PKIB: variants seen among roughly 807,000 people sequenced by gnomAD.
The protein encoded by PKIB is cAMP-dependent protein kinase inhibitor beta.
In PKIB, 2 loss-of-function variants were observed where a neutral mutation model predicts 4.5. The observed-to-expected ratio is 0.44, with a 90% CI of 0.18 to 1.39. The LOEUF is 1.39. PKIB is among the 40% of genes most tolerant of loss of function. The pLI is 0.27. For missense variants in PKIB, 94 were observed against 92.6 expected (o/e 1.02, Z -0.06); for synonymous variants, 38 against 36.0 (o/e 1.06, Z -0.20).
At chr6:122,658,364 T>G (rs1439230613) in intron 2 of PKIB, among the ~76,000 whole-genome samples, 1 of 152,158 alleles carries the variant, frequency 6.6e-6, no homozygotes, top group Admixed American at 6.5e-5. Context: ...ATAAAAGTAA[T>G]GATACAATTA....
chr6:122,493,476 G>A (rs1357269129), intron 2 of PKIB: 1 of 152,170 alleles, frequency 6.6e-6, no homozygotes, highest in Non-Finnish European at 1.5e-5. Flanking sequence ...CATATATGAT[G>A]TATTGAAATC....
intron 3 of PKIB, among the ~76,000 whole-genome samples, chr6:122,603,648 T>A (rs1774442375): frequency 6.6e-6 from 1 of 152,082 alleles, no homozygotes; most frequent in African/African-American, 2.4e-5. Context: ...GCCCGGCTAA[T>A]TTATGGATTT....
chr6:122,494,558 T>C (rs1776025452), intron 2 of PKIB, among the ~76,000 whole-genome samples: 1 of 152,208 alleles, frequency 6.6e-6, no homozygotes, highest in Admixed American at 6.5e-5. Flanking sequence ...TTTACTAATT[T>C]TGTGGTTCCA....
At chr6:122,487,029 T>C (rs1427438191) in intron 2 of PKIB, among the ~76,000 whole-genome samples, 2 of 152,172 alleles carry the variant, frequency 1.3e-5, no homozygotes, top group African/African-American at 4.8e-5. Flanking sequence ...AATATTTATT[T>C]CTTCAAATGT....
At chr6:122,531,921 T>C (rs1374473188) in intron 2 of PKIB, among the ~76,000 whole-genome samples, 1 of 152,234 alleles carries the variant, frequency 6.6e-6, no homozygotes, top group Non-Finnish European at 1.5e-5. Context: ...AAATCCTGGC[T>C]GTTCCACTTG....
At chr6:122,486,532 C>A (rs1014783463) in intron 2 of PKIB, among the ~76,000 whole-genome samples, 2 of 151,106 alleles carry the variant, frequency 1.3e-5, no homozygotes, top group Non-Finnish European at 3.0e-5. Flanking sequence ...TATCTAACTT[C>A]CATTATGTTC....
At chr6:122,475,605 G>A (rs896500878) in intron 1 of PKIB, among the ~76,000 whole-genome samples, 4 of 152,218 alleles carry the variant, frequency 2.6e-5, no homozygotes, top group Admixed American at 2.0e-4. Flanking sequence ...GGCCAACATG[G>A]TGAAACCCTG....
intron 4 of PKIB, 145 bp from the exon 5 acceptor site, chr6:122,724,983 T>C: frequency 1.6e-6 from 1 of 628,442 alleles, no homozygotes; most frequent in Non-Finnish European, 2.8e-6. Flanking sequence ...AACCTACTCA[T>C]ATCGCTCTTC....
At chr6:122,643,494 G>C (rs1158733825) in intron 2 of PKIB, 1 of 152,112 alleles carries the variant, frequency 6.6e-6, no homozygotes, top group African/African-American at 2.4e-5. Flanking sequence ...CTCAGTATAA[G>C]TTAAGTGATA....
chr6:122,529,296 T>C (rs1777182537), intron 2 of PKIB, among the ~76,000 whole-genome samples: 1 of 152,166 alleles, frequency 6.6e-6, no homozygotes, highest in East Asian at 1.9e-4. Context: ...TTTAAACAGA[T>C]AACAAGTACG....
rs1772688003 is a variant in PKIB, at chr6:122,551,978, T to G, written c.-247-33943T>G. ...TAGTCTTGGGCCATTCTAGAGATGG[T>G]GCCAGTTCCTGAGCCTTCTGTGCAT... is the stretch of plus-strand genomic sequence containing the variant. On this transcript the variant is annotated intron_variant, in intron 2 of 6. Coordinates refer to the PKIB transcript ENST00000392491. Among the ~76,000 whole-genome samples, 3 of 150,900 alleles carry G rather than the reference T, an allele frequency of 2.0e-5. 1 individual carries two copies. The highest frequency in any genetic ancestry group is 2.4e-5 in the African/African-American group (1 of 41,044).
At chr6:122,558,965 A>T (rs1772933548) in intron 2 of PKIB, among the ~76,000 whole-genome samples, 1 of 152,134 alleles carries the variant, frequency 6.6e-6, no homozygotes, top group Non-Finnish European at 1.5e-5. Context: ...GCGCCCTCAC[A>T]GCTTAGCTCC....
intron 2 of PKIB, among the ~76,000 whole-genome samples, chr6:122,543,720 A>G (rs909067250): frequency 1.3e-5 from 2 of 151,954 alleles, no homozygotes; most frequent in Non-Finnish European, 2.9e-5. Flanking sequence ...GTGACCATGG[A>G]TATGACAGCT....
At position 122,565,034 on chromosome 6, in the gene PKIB, C is replaced by T. The variant is rs926550244; in HGVS notation, c.-247-20887C>T. Among the ~76,000 whole-genome samples, 19 of 152,228 alleles carry T rather than the reference C, an allele frequency of 1.2e-4. No homozygotes were observed. In the Middle Eastern group the frequency reaches 0.01, roughly 82 times the overall value. On this transcript the variant is annotated intron_variant, in intron 2 of 6. Transcript: ENST00000392491. ...TGATTTCTGTTTCTTAGTATTAGACCTCAATGGCTTACCCATATTTTAACT... is the reference window on the plus strand; with the variant it reads ...TGATTTCTGTTTCTTAGTATTAGACTTCAATGGCTTACCCATATTTTAACT...
chr6:122,499,408 T>C, intron 2 of PKIB, among the ~76,000 whole-genome samples: 1 of 152,174 alleles, frequency 6.6e-6, no homozygotes, highest in Non-Finnish European at 1.5e-5. Context: ...GTTGAATGTA[T>C]GCAAATTAAT....
At chr6:122,575,582 A>G (rs920916160) in intron 2 of PKIB, among the ~76,000 whole-genome samples, 4 of 152,240 alleles carry the variant, frequency 2.6e-5, no homozygotes, top group Non-Finnish European at 5.9e-5. Context: ...AATACTACTC[A>G]GCCATAAAAA....
chr6:122,616,169 G>A (rs1186463675), intron 1 of PKIB, among the ~76,000 whole-genome samples: 1 of 152,170 alleles, frequency 6.6e-6, no homozygotes, highest in Admixed American at 6.5e-5. Flanking sequence ...TGAATCCTGG[G>A]AAATGAGTTC....
chr6:122,705,865 G>T (rs1371824026), intron 3 of PKIB, among the ~76,000 whole-genome samples: 3 of 152,114 alleles, frequency 2.0e-5, no homozygotes, highest in African/African-American at 7.2e-5. Flanking sequence ...CGCCTGGCCA[G>T]AAAATGCATC....
chr6:122,686,524 A>G (rs897126543), intron 3 of PKIB, among the ~76,000 whole-genome samples: 3 of 151,336 alleles, frequency 2.0e-5, no homozygotes, highest in Non-Finnish European at 2.9e-5. Flanking sequence ...TCGAGAAAGG[A>G]TCTCACTCTT....
Sources: gnomAD v4.1 joint callset for allele counts (sites outside exome capture counted in the v4.1 genomes callset) on GRCh38, gnomAD v4.1.1 for gene constraint, MANE v1.5 for transcripts, NCBI Gene and HGNC (gene_info 2026-07-23, HGNC 2026-07-21) for gene names.